Variants in RNF13 observed in about 807,000 individuals in gnomAD.
The protein encoded by RNF13 is ring finger protein 13.
In RNF13, 19 loss-of-function variants were observed where a neutral mutation model predicts 37.7. The ratio of observed to expected loss-of-function variants is 0.50; its 90% CI spans 0.35 to 0.74. RNF13 has a LOEUF of 0.74. RNF13 is among the 30% of genes least tolerant of loss of function. The pLI, the probability that RNF13 is intolerant of heterozygous loss-of-function variation, is 0.01. For synonymous variants in RNF13, 144 were observed against 157.8 expected (o/e 0.91, Z 0.65); for missense variants, 375 against 453.0 (o/e 0.83, Z 1.56).
At chr3:149,960,645 A>G in intron 9 of RNF13, 95 bp from the exon 10 acceptor site, 1 of 1,220,988 alleles carries the variant, frequency 8.2e-7, no homozygotes, top group South Asian at 1.6e-5. Context: ...TCCCTACATG[A>G]TACATACAGA....
intron 4 of RNF13, among the ~76,000 whole-genome samples, chr3:149,876,136 C>G (rs1055346545): frequency 2.6e-5 from 4 of 152,160 alleles, no homozygotes; most frequent in African/African-American, 9.7e-5. Context: ...GCTTTCATTA[C>G]TTGGGTATAA....
chr3:149,889,292 C>CGTGTGT (rs376618726), intron 4 of RNF13, among the ~76,000 whole-genome samples: 32,639 of 137,932 alleles, frequency 0.24, 4,378 homozygotes, highest in East Asian at 0.44. Flanking sequence ...TTTGAGTGTG[C>CGTGTGT]GTGTGTGTGT....
At chr3:149,865,578 A>G (rs1016925744) in intron 3 of RNF13, among the ~76,000 whole-genome samples, 5 of 151,474 alleles carry the variant, frequency 3.3e-5, no homozygotes, top group Admixed American at 6.6e-5. Flanking sequence ...CAATCCTCCT[A>G]CTTTAGCCTC....
intron 3 of RNF13, among the ~76,000 whole-genome samples, chr3:149,870,201 C>A (rs987324344): frequency 5.9e-5 from 9 of 151,678 alleles, no homozygotes; most frequent in African/African-American, 2.2e-4. Context: ...CTAGGGAACC[C>A]AAGATAGTGG....
intron 8 of RNF13, among the ~76,000 whole-genome samples, chr3:149,927,795 A>G (rs1179156512): frequency 6.6e-6 from 1 of 151,816 alleles, no homozygotes; most frequent in Non-Finnish European, 1.5e-5. Flanking sequence ...TACTTTTCTT[A>G]TTTTCAATTG....
intron 8 of RNF13, among the ~76,000 whole-genome samples, chr3:149,935,940 T>C (rs369524184): frequency 6.5e-4 from 99 of 152,312 alleles, no homozygotes; most frequent in African/African-American, 2.3e-3. Flanking sequence ...ATGAATTCCT[T>C]CAGCTTTCGT....
At chr3:149,883,320 T>G (rs1224568684) in intron 4 of RNF13, among the ~76,000 whole-genome samples, 1 of 152,132 alleles carries the variant, frequency 6.6e-6, no homozygotes, top group African/African-American at 2.4e-5. Context: ...TCACATTTAC[T>G]GATCCTTTAT....
intron 1 of RNF13, among the ~76,000 whole-genome samples, chr3:149,826,362 C>T (rs904295571): frequency 2.0e-5 from 3 of 152,160 alleles, no homozygotes; most frequent in African/African-American, 4.8e-5. Context: ...TAATTAAAGG[C>T]TTACAGACAG....
chr3:149,961,253 T>G lies in RNF13; in HGVS notation c.*149T>G, dbSNP rs1722386783. ...CAAATTACTGAAACAGGACTTTTGA[T>G]CTGGTATTTATCTGCCAAGAATATA... is the stretch of plus-strand genomic sequence containing the variant. On this transcript the variant is annotated 3_prime_UTR_variant, in exon 10 of 10. Transcript: ENST00000392894. The G allele has an allele frequency of 1.5e-5, 11 of 719,714 alleles. No individual in the cohort carries two copies. In the South Asian group the frequency reaches 1.9e-4, roughly 12 times the overall value. 44.6% of individuals were successfully genotyped at this position (719,714 alleles called of 1,614,324 possible). A position where few individuals can be genotyped will look rare whatever the true frequency, so the allele number is the denominator to read the frequency against.
intron 6 of RNF13, among the ~76,000 whole-genome samples, chr3:149,905,197 A>G (rs995922820): frequency 6.6e-5 from 10 of 152,216 alleles, no homozygotes; most frequent in African/African-American, 2.4e-4. Flanking sequence ...CGTAAGGGTC[A>G]TGCCAACAGT....
chr3:149,829,712 A>G (rs931085783), intron 1 of RNF13, among the ~76,000 whole-genome samples: 3 of 152,180 alleles, frequency 2.0e-5, no homozygotes, highest in Non-Finnish European at 2.9e-5. Flanking sequence ...GCTTATGACA[A>G]CTTCTGATCC....
At chr3:149,889,950 C>T (rs566171768) in intron 4 of RNF13, among the ~76,000 whole-genome samples, 1 of 152,328 alleles carries the variant, frequency 6.6e-6, no homozygotes, top group South Asian at 2.1e-4. Context: ...CCTGGGATTA[C>T]AGGCATGAGC....
At chr3:149,875,915 A>AT (rs1287607110) in intron 4 of RNF13, among the ~76,000 whole-genome samples, 1 of 152,308 alleles carries the variant, frequency 6.6e-6, no homozygotes, top group Non-Finnish European at 1.5e-5. Context: ...ACTTTGAAGC[A>AT]TTTTGAGGGA....
intron 1 of RNF13, among the ~76,000 whole-genome samples, chr3:149,830,816 C>A (rs371201777): frequency 6.6e-6 from 1 of 152,068 alleles, no homozygotes; most frequent in South Asian, 2.1e-4. Context: ...TCCTATCACA[C>A]GCCCAGAGGC....
intron 8 of RNF13, among the ~76,000 whole-genome samples, chr3:149,953,528 T>C (rs1721551215): frequency 6.6e-6 from 1 of 152,234 alleles, no homozygotes; most frequent in African/African-American, 2.4e-5. Context: ...GCTTATGAAT[T>C]GGAAACATTT....
intron 1 of RNF13, among the ~76,000 whole-genome samples, chr3:149,844,363 A>T (rs929602424): frequency 1.3e-5 from 2 of 152,234 alleles, no homozygotes; most frequent in African/African-American, 2.4e-5. Context: ...GTTACATGGG[A>T]TGCGTCTAAT....
intron 1 of RNF13, among the ~76,000 whole-genome samples, chr3:149,831,593 A>G (rs1721059746): frequency 6.6e-6 from 1 of 152,214 alleles, no homozygotes; most frequent in Non-Finnish European, 1.5e-5. Flanking sequence ...TTGATTTTAC[A>G]GGCTCATAGG....
chr3:149,872,216 T>A, intron 4 of RNF13, 62 bp downstream of exon 4: 1 of 1,062,108 alleles, frequency 9.4e-7, no homozygotes, highest in Non-Finnish European at 1.3e-6. Flanking sequence ...TTAAATCATT[T>A]ACATCCTCCC....
chr3:149,858,762 A>G (rs530501791), intron 3 of RNF13, among the ~76,000 whole-genome samples: 1 of 152,306 alleles, frequency 6.6e-6, no homozygotes, highest in East Asian at 1.9e-4. Context: ...TTCTTATATG[A>G]TGTATAATTT....
Sources: allele counts gnomAD v4.1 joint callset (sites outside exome capture counted in the v4.1 genomes callset), GRCh38; gene constraint gnomAD v4.1.1; transcripts MANE v1.5; gene names NCBI Gene and HGNC (gene_info 2026-07-23, HGNC 2026-07-21).